SYTL3: variants seen among roughly 807,000 people sequenced by gnomAD.
SYTL3 encodes the protein synaptotagmin like 3.
In SYTL3, 88 loss-of-function variants were observed where a neutral mutation model predicts 82.1. That is an observed-to-expected ratio of 1.07 (90% CI 0.90 to 1.28). The LOEUF (loss-of-function observed/expected upper bound fraction) is 1.28, where lower values mean the gene tolerates loss of function less well. Among genes scored for constraint, SYTL3 ranks in the 50% most tolerant of loss-of-function variants. The pLI is 0.00. For missense variants in SYTL3, 831 were observed against 757.6 expected (o/e 1.10, Z -1.14); for synonymous variants, 311 against 289.4 (o/e 1.07, Z -0.76).
chr6:158,658,466 C>G (rs1330628642), intron 2 of SYTL3, among the ~76,000 whole-genome samples: 1 of 152,184 alleles, frequency 6.6e-6, no homozygotes, highest in Non-Finnish European at 1.5e-5. Flanking sequence ...CCAACGCCAT[C>G]AAGCCAGTGG....
intron 5 of SYTL3, among the ~76,000 whole-genome samples, chr6:158,670,152 A>G (rs150092695): frequency 6.6e-6 from 1 of 152,362 alleles, no homozygotes; most frequent in East Asian, 1.9e-4. Flanking sequence ...AGAAAATGTA[A>G]TCTTTTAAAT....
chr6:158,703,807 G>A (rs1781601596), intron 6 of SYTL3, among the ~76,000 whole-genome samples: 1 of 118,164 alleles, frequency 8.5e-6, no homozygotes, highest in African/African-American at 3.8e-5. Flanking sequence ...CTAAGAGTGG[G>A]TTTTATATTA....
At chr6:158,676,093 C>T (rs1255056395) in intron 5 of SYTL3, among the ~76,000 whole-genome samples, 1 of 152,160 alleles carries the variant, frequency 6.6e-6, no homozygotes, top group Non-Finnish European at 1.5e-5. Flanking sequence ...GCCTGCATTG[C>T]CAAGTCAATC....
intron 6 of SYTL3, among the ~76,000 whole-genome samples, chr6:158,696,089 A>T (rs533707923): frequency 6.6e-6 from 1 of 152,274 alleles, no homozygotes; most frequent in African/African-American, 2.4e-5. Context: ...TGTTTAATTT[A>T]TTGAGGAACT....
At chr6:158,697,277 G>GA (rs35335929) in intron 6 of SYTL3, among the ~76,000 whole-genome samples, 19,216 of 94,212 alleles carry the variant, frequency 0.2, 1,920 homozygotes, top group South Asian at 0.26. Flanking sequence ...CATCTCTACG[G>GA]AAAAAAAAAA....
chr6:158,749,698 AG>A (rs1038937862), intron 12 of SYTL3, among the ~76,000 whole-genome samples: 58 of 151,902 alleles, frequency 3.8e-4, no homozygotes, highest in African/African-American at 1.4e-3. Context: ...ATGTTGCCCA[AG>A]CTGGTCTCAA....
chr6:158,738,087 C>T (rs1056817285), intron 11 of SYTL3, among the ~76,000 whole-genome samples: 3 of 152,134 alleles, frequency 2.0e-5, no homozygotes, highest in Admixed American at 6.5e-5. Context: ...ACCTGCACAC[C>T]AACAGCTGCA....
intron 8 of SYTL3, 66 bp downstream of exon 8, chr6:158,708,457 A>C: frequency 6.7e-7 from 1 of 1,492,780 alleles, no homozygotes; most frequent in Non-Finnish European, 9.3e-7. Flanking sequence ...GAAGCAGGGG[A>C]GCTTTCGAGG....
At chr6:158,746,453 A>ATTATTATTATTATTAT (rs1554263746) in intron 12 of SYTL3, among the ~76,000 whole-genome samples, 2,226 of 99,402 alleles carry the variant, frequency 0.022, 22 homozygotes, top group South Asian at 0.037. Flanking sequence ...AATAATAATA[A>ATTATTATTATTATTAT]TAATAATATT....
At chr6:158,707,422 A>G (rs776510107) in intron 7 of SYTL3, 141 bp downstream of exon 7, 8 of 668,056 alleles carry the variant, frequency 1.2e-5, no homozygotes, top group African/African-American at 3.6e-5. Flanking sequence ...TCTTTTAAAG[A>G]TAAAGTTCCT....
chr6:158,684,753 C>G (rs1472513578), intron 6 of SYTL3, among the ~76,000 whole-genome samples: 1 of 151,118 alleles, frequency 6.6e-6, no homozygotes, highest in Admixed American at 6.6e-5. Context: ...TGGATTTGCC[C>G]AGGTGTAGAT....
Position 158,763,509 on chromosome 6 carries a change from AG to A in SYTL3, c.1723+1del. ...GCTTGGAGGAACCAGACTTGGTTCA[AG>A]TAAGTCTGAGACATTGAGCCCAAAC... On this transcript the variant is annotated splice_donor_variant, in intron 17 of 17. Coordinates refer to ENST00000611299, the MANE Select transcript of SYTL3 (RefSeq NM_001242394.2). LOFTEE classifies it high-confidence loss of function. 2 of 1,613,248 alleles carry A rather than the reference AG, an allele frequency of 1.2e-6. No homozygotes were observed. The highest frequency in any genetic ancestry group is 2.2e-5 in the South Asian group (2 of 91,076).
chr6:158,717,571 G>C (rs1007929295), intron 9 of SYTL3, among the ~76,000 whole-genome samples: 4 of 152,038 alleles, frequency 2.6e-5, no homozygotes, highest in Non-Finnish European at 5.9e-5. Flanking sequence ...CTGTAAAAAT[G>C]AAACAAATTT....
chr6:158,694,340 G>A (rs1308841258), intron 6 of SYTL3, among the ~76,000 whole-genome samples: 1 of 151,620 alleles, frequency 6.6e-6, no homozygotes, highest in East Asian at 1.9e-4. Flanking sequence ...CTGTCACCCA[G>A]GCTGGAGTGC....
chr6:158,648,564 C>A (rs1314571975), upstream of SYTL3, among the ~76,000 whole-genome samples: 1 of 142,606 alleles, frequency 7.0e-6, no homozygotes, highest in Non-Finnish European at 1.5e-5. Context: ...GCAGTCCCGA[C>A]TGGGTGAAAG....
At chr6:158,707,573 C>T (rs1199690971) in intron 7 of SYTL3, among the ~76,000 whole-genome samples, 11 of 152,158 alleles carry the variant, frequency 7.2e-5, no homozygotes, top group Non-Finnish European at 8.8e-5. Context: ...TGTTTAATTG[C>T]GCTTAAGTGA....
intron 5 of SYTL3, among the ~76,000 whole-genome samples, chr6:158,671,613 A>T (rs1427657111): frequency 1.3e-5 from 2 of 151,998 alleles, no homozygotes; most frequent in Non-Finnish European, 2.9e-5. Context: ...GAAAATACAA[A>T]AATTAGCCGG....
chr6:158,723,264 T>C (rs1784341853), intron 10 of SYTL3, among the ~76,000 whole-genome samples: 1 of 151,728 alleles, frequency 6.6e-6, no homozygotes. Flanking sequence ...ATATTTTTAG[T>C]AGAGACAGGG....
rs566062208 is a variant in SYTL3, at chr6:158,659,367, C to G, written c.-636-1902C>G. On this transcript the variant is annotated intron_variant, in intron 2 of 17. Transcript: ENST00000611299. ...ATCGTCTTAGTCTTTTCTTTTTTTTCTTCTTGAGACGGAGTTTCACTCTTG... is the reference window on the plus strand; with the variant it reads ...ATCGTCTTAGTCTTTTCTTTTTTTTGTTCTTGAGACGGAGTTTCACTCTTG... Among the ~76,000 whole-genome samples, 211 of 151,852 alleles carry G rather than the reference C, an allele frequency of 1.4e-3. 1 individual carries two copies. The highest frequency in any genetic ancestry group is 4.9e-3 in the African/African-American group (201 of 41,430).
Sources: gnomAD v4.1 joint callset for allele counts (sites outside exome capture counted in the v4.1 genomes callset) on GRCh38, gnomAD v4.1.1 for gene constraint, MANE v1.5 for transcripts, NCBI Gene and HGNC (gene_info 2026-07-23, HGNC 2026-07-21) for gene names.